Variants in TMPRSS9 observed in about 807,000 individuals in gnomAD.
TMPRSS9 encodes transmembrane serine protease 9.
Under a neutral mutation model 111.4 loss-of-function variants are expected in TMPRSS9, and 113 were observed. That is an observed-to-expected ratio of 1.01 (90% CI 0.87 to 1.19). TMPRSS9 has a LOEUF of 1.19. TMPRSS9 is among the 50% of genes most tolerant of loss of function. The probability of loss-of-function intolerance (pLI) is 0.00; values close to 1 mark genes in which losing one functional copy is unlikely to be tolerated. For missense variants in TMPRSS9, 1,803 were observed against 1,513.1 expected (o/e 1.19, Z -3.18); for synonymous variants, 805 against 659.1 (o/e 1.22, Z -3.39).
chr19:2,424,162 G>T (rs1175071184), exon 15 of TMPRSS9: 1 of 1,464,450 alleles, frequency 6.8e-7, no homozygotes. Flanking sequence ...AGTGGCCGTG[G>T]CAGGTGAGCC....
At chr19:2,379,649 C>CTTTG (rs1438987123) in intron 1 of TMPRSS9, among the ~76,000 whole-genome samples, 1 of 149,112 alleles carries the variant, frequency 6.7e-6, no homozygotes, top group Non-Finnish European at 1.5e-5. Flanking sequence ...TTCTTTCTTT[C>CTTTG]TTTCTTTCTT....
chr19:2,374,941 AG>A (rs1970320191), intron 1 of TMPRSS9, among the ~76,000 whole-genome samples: 1 of 152,166 alleles, frequency 6.6e-6, no homozygotes, highest in Non-Finnish European at 1.5e-5. Flanking sequence ...TCCTGGCACC[AG>A]GGGGCACAGA....
intron 1 of TMPRSS9, among the ~76,000 whole-genome samples, chr19:2,369,651 C>G (rs993128527): frequency 1.4e-5 from 2 of 143,286 alleles, no homozygotes; most frequent in Non-Finnish European, 3.0e-5. Flanking sequence ...GTTGCCTACA[C>G]TGATCTCAAA....
chr19:2,379,681 TTTTC>T (rs1167029533), intron 1 of TMPRSS9, among the ~76,000 whole-genome samples: 3 of 79,170 alleles, frequency 3.8e-5, no homozygotes, highest in Admixed American at 1.3e-4. Flanking sequence ...TTCTTTCTCT[TTTTC>T]TTTCTTTCCT....
chr19:2,411,397 CTTCT>C (rs558509713), intron 9 of TMPRSS9, among the ~76,000 whole-genome samples: 4,565 of 114,892 alleles, frequency 0.04, 109 homozygotes, highest in Non-Finnish European at 0.052. Flanking sequence ...TTTTCTTCTT[CTTCT>C]TTTTTTTTTT....
In TMPRSS9 at chr19:2,410,305, C is replaced by T. The variant is rs1309775342; in HGVS notation, c.1165C>T (p.Gln389Ter). The change falls in exon 9 of 18, where the codon CAG (glutamine) becomes TAG (stop). Residue 389 changes from glutamine to a stop codon, truncating the protein, a stop_gained. Coordinates refer to ENST00000648592, the Ensembl canonical transcript of TMPRSS9. LOFTEE classifies it high-confidence loss of function. ...GAAAGCCACTGTGGAGCTGCTGGAC[C>T]AGGCACTGTGTGCCAGCTTGTACGG... The T allele has an allele frequency of 4.3e-6, 7 of 1,613,948 alleles. No homozygotes were observed. The Admixed American group carries it at 1.0e-4, about 23-fold the overall frequency.
chr19:2,406,578 G>A (rs903382353), intron 7 of TMPRSS9, among the ~76,000 whole-genome samples: 17 of 150,564 alleles, frequency 1.1e-4, no homozygotes, highest in African/African-American at 2.7e-4. Context: ...CAGGTGATCC[G>A]CCCACCTCAG....
intron 17 of TMPRSS9, 194 bp from the exon 19 acceptor site, chr19:2,425,733 C>T: frequency 2.7e-6 from 3 of 1,129,120 alleles, no homozygotes; most frequent in Middle Eastern, 3.1e-4. Flanking sequence ...CAGTGGGAGG[C>T]ACCGTTCCAC....
intron 12 of TMPRSS9, among the ~76,000 whole-genome samples, chr19:2,417,389 C>G (rs1230834100): frequency 6.6e-6 from 1 of 151,140 alleles, no homozygotes; most frequent in African/African-American, 2.4e-5. Context: ...TTGCTTGAAT[C>G]TGGGAGGCAG....
At position 2,405,235 on chromosome 19, in the gene TMPRSS9, A is replaced by G. The variant is rs1241951399; in HGVS notation, c.671-139A>G. ...GGGATGGGGAGACCCCAGAAGAGTC[A>G]GGGAAGCCAAGGAGGGGCCCCCAAG... On this transcript the variant is annotated intron_variant, in intron 6 of 17. Coordinates refer to ENST00000648592, the Ensembl canonical transcript of TMPRSS9. 3.0e-5 allele frequency: 32 copies of G among 1,064,506 alleles called. No individual in the cohort carries two copies. The South Asian group carries it at 4.2e-4, about 14-fold the overall frequency. 65.9% of individuals were successfully genotyped at this position (1,064,506 alleles called of 1,614,324 possible).
At chr19:2,371,310 G>A (rs114360463) in intron 1 of TMPRSS9, among the ~76,000 whole-genome samples, 2 of 152,126 alleles carry the variant, frequency 1.3e-5, no homozygotes, top group Non-Finnish European at 2.9e-5. Flanking sequence ...CCTCCTTGGG[G>A]GCCCCCACAC....
At chr19:2,381,179 G>A (rs888679814) in intron 1 of TMPRSS9, among the ~76,000 whole-genome samples, 3 of 152,060 alleles carry the variant, frequency 2.0e-5, no homozygotes, top group Admixed American at 6.6e-5. Context: ...GTAAAGGTTG[G>A]CTGGATGGAG....
At chr19:2,365,628 A>C (rs1481632532) in intron 1 of TMPRSS9, among the ~76,000 whole-genome samples, 4 of 152,002 alleles carry the variant, frequency 2.6e-5, no homozygotes, top group Non-Finnish European at 5.9e-5. Context: ...AAACAAAAAA[A>C]ACAAAAAAAC....
At chr19:2,374,752 G>A (rs1360672731) in intron 1 of TMPRSS9, among the ~76,000 whole-genome samples, 4 of 151,918 alleles carry the variant, frequency 2.6e-5, no homozygotes, top group African/African-American at 9.7e-5. Flanking sequence ...CCTTACCCAC[G>A]AGCCTCTGTG....
chr19:2,360,594 C>G (rs1025366772), intron 1 of TMPRSS9, among the ~76,000 whole-genome samples: 1 of 151,468 alleles, frequency 6.6e-6, no homozygotes, highest in African/African-American at 2.4e-5. Context: ...TGTGTAGATG[C>G]GGCCAGGGTT....
At chr19:2,373,873 A>G (rs1425149177) in intron 1 of TMPRSS9, among the ~76,000 whole-genome samples, 1 of 152,226 alleles carries the variant, frequency 6.6e-6, no homozygotes, top group Non-Finnish European at 1.5e-5. Flanking sequence ...ACTTTTTGCG[A>G]AACTAATACA....
chr19:2,411,618 C>T (rs1971098895), intron 9 of TMPRSS9, among the ~76,000 whole-genome samples: 1 of 152,068 alleles, frequency 6.6e-6, no homozygotes, highest in Non-Finnish European at 1.5e-5. Flanking sequence ...GGCTGGAGTG[C>T]AGTGGCACCA....
chr19:2,416,444 G>T (rs534759487), intron 11 of TMPRSS9, 94 bp from the exon 13 acceptor site: 10 of 1,483,886 alleles, frequency 6.7e-6, no homozygotes, highest in Non-Finnish European at 9.0e-6. Context: ...GCAGCCCTGT[G>T]TGGCTTCCTG....
chr19:2,396,508 G>A lies in TMPRSS9; in HGVS notation c.143-31G>A, dbSNP rs201319090. 17 of 1,565,318 alleles carry A rather than the reference G, an allele frequency of 1.1e-5. No individual in the cohort carries two copies. The East Asian group carries it at 1.4e-4, about 13-fold the overall frequency. ...CGGAGCCCTGAGCCCCCAAAGGTGG[G>A]CTCTCTCACGGGCCCTGGTCTCGTC... On this transcript the variant is annotated intron_variant, in intron 1 of 17. Transcript: ENST00000648592.
Sources: allele counts gnomAD v4.1 joint callset (sites outside exome capture counted in the v4.1 genomes callset), GRCh38; gene constraint gnomAD v4.1.1; transcripts MANE v1.5; gene names NCBI Gene and HGNC (gene_info 2026-07-23, HGNC 2026-07-21).